The following SPATA13 variants were observed in gnomAD, a reference collection of about 807,000 sequenced individuals.
SPATA13 encodes the protein spermatogenesis associated 13, also known as spermatogenesis-associated protein 13.
SPATA13 carries 50 observed loss-of-function variants against 104.0 expected under a neutral mutation model. The ratio of observed to expected loss-of-function variants is 0.48; its 90% CI spans 0.38 to 0.61. The LOEUF (loss-of-function observed/expected upper bound fraction) is 0.61, where lower values mean the gene tolerates loss of function less well. Ranked by LOEUF, SPATA13 falls within the 20% of genes least tolerant of loss-of-function variation. The pLI is 0.00. For missense variants in SPATA13, 1,524 were observed against 1,690.6 expected, an observed-to-expected ratio of 0.90 and a Z score of 1.73; for synonymous variants, 606 against 667.5, an observed-to-expected ratio of 0.91 and a Z score of 1.42.
chr13:24,006,548 A>G (rs997625114), intron 2 of SPATA13, among the ~76,000 whole-genome samples: 1 of 152,238 alleles, frequency 6.6e-6, no homozygotes, highest in Non-Finnish European at 1.5e-5. Flanking sequence ...AGGAGCGAAT[A>G]GAGGCCAGGC....
intron 3 of SPATA13, among the ~76,000 whole-genome samples, chr13:24,136,925 G>A (rs1323661990): frequency 6.2e-5 from 3 of 48,364 alleles, no homozygotes; most frequent in African/African-American, 1.3e-4. Flanking sequence ...CGCCTCCCAG[G>A]TTCACGCCAT....
intron 3 of SPATA13, among the ~76,000 whole-genome samples, chr13:24,043,428 A>G (rs1223667085): frequency 6.6e-6 from 1 of 152,128 alleles, no homozygotes; most frequent in Non-Finnish European, 1.5e-5. Context: ...ATACTCAGGA[A>G]AAGAACACTG....
intron 3 of SPATA13, among the ~76,000 whole-genome samples, chr13:24,067,929 C>A (rs1339504200): frequency 6.6e-6 from 1 of 152,182 alleles, no homozygotes; most frequent in Non-Finnish European, 1.5e-5. Flanking sequence ...GTCTCGAACT[C>A]CTGACCTCAG....
At chr13:24,152,918 C>T (rs1387208214) in intron 3 of SPATA13, among the ~76,000 whole-genome samples, 1 of 152,252 alleles carries the variant, frequency 6.6e-6, no homozygotes, top group Admixed American at 6.5e-5. Context: ...CTCACTTTTA[C>T]ATTTTACATT....
intron 2 of SPATA13, among the ~76,000 whole-genome samples, chr13:24,237,875 T>C (rs942583625): frequency 1.9e-4 from 20 of 103,366 alleles, no homozygotes; most frequent in Non-Finnish European, 1.9e-4. Flanking sequence ...TTATATAATA[T>C]ATATCATTTA....
At chr13:24,116,241 C>T (rs982085398) in intron 3 of SPATA13, among the ~76,000 whole-genome samples, 3 of 152,226 alleles carry the variant, frequency 2.0e-5, no homozygotes, top group Admixed American at 6.5e-5. Flanking sequence ...TGCATCTTCT[C>T]ACTGTGTCCT....
At chr13:24,030,140 C>T (rs763890351) in intron 3 of SPATA13, among the ~76,000 whole-genome samples, 3 of 151,844 alleles carry the variant, frequency 2.0e-5, no homozygotes, top group East Asian at 1.9e-4. Flanking sequence ...TCCCCCACAG[C>T]GTGGTGCATT....
chr13:24,220,247 C>G (rs728097), intron 1 of SPATA13, among the ~76,000 whole-genome samples: 40,721 of 151,958 alleles, frequency 0.27, 5,847 homozygotes, highest in Middle Eastern at 0.37. Flanking sequence ...AAGGTTAGGC[C>G]GATTCCCATG....
intron 9 of SPATA13, among the ~76,000 whole-genome samples, chr13:24,291,978 G>C (rs983857071): frequency 2.0e-5 from 3 of 150,022 alleles, no homozygotes; most frequent in Non-Finnish European, 4.4e-5. Context: ...GGATGGTCTC[G>C]ATCTCCTGAC....
At chr13:24,123,316 G>C (rs1338599242) in intron 3 of SPATA13, 1 of 1,468,284 alleles carries the variant, frequency 6.8e-7, no homozygotes, top group Non-Finnish European at 9.5e-7. Flanking sequence ...AAGGCTGTTT[G>C]AAGGTTCTGA....
intron 1 of SPATA13, among the ~76,000 whole-genome samples, chr13:24,178,384 G>A (rs1389068463): frequency 6.6e-6 from 1 of 152,156 alleles, no homozygotes; most frequent in African/African-American, 2.4e-5. Context: ...TGATACTTCT[G>A]AGGAACATGC....
chr13:24,190,019 AC>A (rs1251754203), intron 1 of SPATA13, among the ~76,000 whole-genome samples: 1 of 49,328 alleles, frequency 2.0e-5, no homozygotes, highest in African/African-American at 8.0e-5. Context: ...TTATTATATA[AC>A]ATAATGATAT....
chr13:24,101,749 T>A (rs1880263819), intron 3 of SPATA13, among the ~76,000 whole-genome samples: 2 of 152,252 alleles, frequency 1.3e-5, no homozygotes, highest in African/African-American at 4.8e-5. Context: ...CTCTTGCCAC[T>A]GACATATTTC....
intron 1 of SPATA13, among the ~76,000 whole-genome samples, chr13:24,181,032 A>T (rs190901364): frequency 3.9e-4 from 60 of 152,330 alleles, no homozygotes; most frequent in African/African-American, 1.3e-3. Flanking sequence ...CTGTAACACA[A>T]TGGTAAGTGT....
intron 3 of SPATA13, among the ~76,000 whole-genome samples, chr13:24,147,753 C>T (rs557134061): frequency 3.0e-4 from 42 of 138,596 alleles, no homozygotes; most frequent in South Asian, 9.2e-4. Flanking sequence ...ATTAACTCCC[C>T]GTTCCCTCCA....
rs763458774 is a variant in SPATA13 at position 24,223,240 on chromosome 13, C to A, written c.311C>A (p.Thr104Asn). ...GTGGGGAACTCCTCCACATGGAACA[C>A]CCTCGCCTCCTTCCGGAAAATGGGA... ...VLVGNSSTWN[T>N]LASFRKMGSF... The change falls in exon 2 of 13, where the codon ACC becomes AAC. Residue 104 changes from threonine to asparagine, a missense_variant. Transcript: ENST00000382108. The A allele has an allele frequency of 2.6e-5, 40 of 1,551,602 alleles. No individual in the cohort carries two copies. Among genetic ancestry groups the A allele is most frequent in the Non-Finnish European group, 3.4e-5 (39 of 1,147,020 alleles).
At chr13:24,222,101 C>T (rs1396934495) in intron 1 of SPATA13, among the ~76,000 whole-genome samples, 1 of 152,214 alleles carries the variant, frequency 6.6e-6, no homozygotes, top group Non-Finnish European at 1.5e-5. Flanking sequence ...GCGTGAGCCA[C>T]TGCACCCAAC....
chr13:24,276,649 A>AG, intron 4 of SPATA13, among the ~76,000 whole-genome samples: 1 of 152,156 alleles, frequency 6.6e-6, no homozygotes, highest in Non-Finnish European at 1.5e-5. Flanking sequence ...AAAGGAAGAA[A>AG]GAAACAATAA....
intron 3 of SPATA13, among the ~76,000 whole-genome samples, chr13:24,030,749 A>G (rs946052284): frequency 1.2e-4 from 19 of 152,192 alleles, no homozygotes; most frequent in African/African-American, 4.1e-4. Flanking sequence ...TTAAAAAAAT[A>G]TATTGACTCT....
Sources: gnomAD v4.1 joint callset for allele counts (sites outside exome capture counted in the v4.1 genomes callset) on GRCh38, gnomAD v4.1.1 for gene constraint, MANE v1.5 for transcripts, NCBI Gene and HGNC (gene_info 2026-07-23, HGNC 2026-07-21) for gene names.